The following PSTPIP2 variants were observed in gnomAD, a reference collection of about 807,000 sequenced individuals.
The protein encoded by PSTPIP2 is proline-serine-threonine phosphatase-interacting protein 2.
In PSTPIP2, 33 loss-of-function variants were observed where a neutral mutation model predicts 63.3. The observed-to-expected ratio is 0.52, with a 90% confidence interval of 0.40 to 0.70. The LOEUF (loss-of-function observed/expected upper bound fraction) is 0.70, where lower values mean the gene tolerates loss of function less well. Ranked by LOEUF, PSTPIP2 falls within the 30% of genes least tolerant of loss-of-function variation. PSTPIP2 has a pLI of 0.00. For missense variants in PSTPIP2, 312 were observed against 400.7 expected (o/e 0.78, Z 1.89); for synonymous variants, 125 against 132.7 (o/e 0.94, Z 0.40).
intron 1 of PSTPIP2, among the ~76,000 whole-genome samples, chr18:46,059,366 A>G (rs1274393195): frequency 2.6e-5 from 4 of 152,074 alleles, no homozygotes; most frequent in Non-Finnish European, 4.4e-5. Context: ...CTCCTGCCTC[A>G]GCCTACCAAG....
intron 6 of PSTPIP2, among the ~76,000 whole-genome samples, chr18:46,002,637 A>G (rs1201991197): frequency 6.6e-6 from 1 of 152,062 alleles, no homozygotes; most frequent in Non-Finnish European, 1.5e-5. Context: ...TTTCTTTGCC[A>G]GTCCTTCCTT....
At chr18:46,070,710 G>C (rs1226831116) in intron 1 of PSTPIP2, among the ~76,000 whole-genome samples, 1 of 151,918 alleles carries the variant, frequency 6.6e-6, no homozygotes, top group East Asian at 1.9e-4. Context: ...GAGACAGACA[G>C]AGTCTCACTA....
chr18:46,001,913 G>A (rs1429812699), intron 6 of PSTPIP2, among the ~76,000 whole-genome samples: 3 of 151,972 alleles, frequency 2.0e-5, no homozygotes, highest in Admixed American at 6.5e-5. Context: ...CATTCTTTAA[G>A]TTATTTAAAA....
intron 4 of PSTPIP2, among the ~76,000 whole-genome samples, chr18:46,015,015 G>C (rs889756838): frequency 2.0e-5 from 3 of 152,154 alleles, no homozygotes; most frequent in African/African-American, 7.2e-5. Flanking sequence ...GAAGTAGCCA[G>C]AGAAGCAGGA....
rs1277212793 is a variant in PSTPIP2, at chr18:45,988,695, T to C, written c.*8+7A>G. 2.0e-6 allele frequency: 3 copies of C among 1,535,698 alleles called. No homozygotes were observed. In the East Asian group the frequency reaches 6.7e-5, roughly 35 times the overall value. ...GACTCAATTATGTGAAAAATAAAGG[T>C]TCTTACCATTGATTTTACTGATAGA... On this transcript the variant is annotated splice_region_variant and intron_variant, in intron 14 of 14. Transcript: ENST00000409746.
chr18:46,040,267 A>G (rs1461954052), intron 1 of PSTPIP2: 7 of 416,976 alleles, frequency 1.7e-5, no homozygotes, highest in Non-Finnish European at 2.6e-5. Flanking sequence ...CCAGGTATCT[A>G]GCTAGCCCTG....
At chr18:46,013,718 C>T (rs543733583) in intron 4 of PSTPIP2, among the ~76,000 whole-genome samples, 1 of 152,038 alleles carries the variant, frequency 6.6e-6, no homozygotes, top group East Asian at 1.9e-4. Context: ...CCTCCAGACT[C>T]ATATCAATAA....
chr18:46,069,536 C>G (rs1002108420), intron 1 of PSTPIP2, among the ~76,000 whole-genome samples: 5 of 152,322 alleles, frequency 3.3e-5, no homozygotes, highest in Admixed American at 2.6e-4. Context: ...TGTTGCCCAG[C>G]CTCCTTAGTA....
chr18:45,993,848 G>A (rs956891434), intron 9 of PSTPIP2, 145 bp from the exon 10 acceptor site: 10 of 676,112 alleles, frequency 1.5e-5, no homozygotes, highest in Non-Finnish European at 2.6e-5. Context: ...CACCACTGAG[G>A]AAACTCATAA....
At chr18:46,061,748 G>A (rs1909001738) in intron 1 of PSTPIP2, among the ~76,000 whole-genome samples, 2 of 152,170 alleles carry the variant, frequency 1.3e-5, no homozygotes, top group South Asian at 2.1e-4. Context: ...ATTCCTGAGA[G>A]CTTAGGTCTT....
chr18:46,011,763 T>C (rs964724451), intron 4 of PSTPIP2, among the ~76,000 whole-genome samples: 6 of 152,212 alleles, frequency 3.9e-5, no homozygotes, highest in Non-Finnish European at 8.8e-5. Flanking sequence ...TGCTGATTTT[T>C]CCCCTTATTT....
At chr18:46,006,428 G>A (rs549329943) in intron 5 of PSTPIP2, among the ~76,000 whole-genome samples, 1 of 138,680 alleles carries the variant, frequency 7.2e-6, no homozygotes, top group Non-Finnish European at 1.5e-5. Context: ...CTAGAGTGCA[G>A]TGGTGCAATC....
chr18:46,070,783 G>A (rs748184283), intron 1 of PSTPIP2, among the ~76,000 whole-genome samples: 6 of 152,150 alleles, frequency 3.9e-5, no homozygotes, highest in South Asian at 2.1e-4. Context: ...GCCTCCCAAC[G>A]TGCTGGGATC....
At chr18:46,065,258 T>G (rs1480427086) in intron 1 of PSTPIP2, among the ~76,000 whole-genome samples, 2 of 151,504 alleles carry the variant, frequency 1.3e-5, no homozygotes, top group African/African-American at 4.8e-5. Context: ...AAATAATTGT[T>G]AGGGAAAGTA....
intron 2 of PSTPIP2, chr18:46,029,142 A>G: frequency 1.2e-6 from 1 of 863,694 alleles, no homozygotes; most frequent in Non-Finnish European, 2.0e-6. Flanking sequence ...AGTTTTAGCC[A>G]TGAGTACTCA....
chr18:46,048,975 C>A (rs1392953979), intron 1 of PSTPIP2, among the ~76,000 whole-genome samples: 1 of 148,760 alleles, frequency 6.7e-6, no homozygotes, highest in African/African-American at 2.5e-5. Context: ...ATCATGCCTA[C>A]TTCTTTACTT....
At chr18:46,027,638 C>T (rs1350335096) in intron 2 of PSTPIP2, among the ~76,000 whole-genome samples, 1 of 151,768 alleles carries the variant, frequency 6.6e-6, no homozygotes, top group Non-Finnish European at 1.5e-5. Flanking sequence ...TGCAGTGAAC[C>T]GTGACTGCGC....
chr18:46,065,021 G>GT (rs1909130418), intron 1 of PSTPIP2, among the ~76,000 whole-genome samples: 1 of 151,296 alleles, frequency 6.6e-6, no homozygotes, highest in Non-Finnish European at 1.5e-5. Flanking sequence ...GTGCATGCCT[G>GT]TAATTCCAGC....
chr18:46,017,334 A>T (rs537454836), intron 3 of PSTPIP2, among the ~76,000 whole-genome samples: 2 of 152,276 alleles, frequency 1.3e-5, no homozygotes, highest in African/African-American at 4.8e-5. Flanking sequence ...TTTTTCATTA[A>T]CTTGGATCTT....
Sources: gnomAD v4.1 joint callset for allele counts (sites outside exome capture counted in the v4.1 genomes callset) on GRCh38, gnomAD v4.1.1 for gene constraint, MANE v1.5 for transcripts, NCBI Gene and HGNC (gene_info 2026-07-23, HGNC 2026-07-21) for gene names.